Variants in RAB10 observed in about 807,000 individuals in gnomAD.
RAB10 encodes the protein ras-related protein Rab-10.
Under a neutral mutation model 25.7 loss-of-function variants are expected in RAB10, and 5 were observed. The observed-to-expected ratio is 0.19, with a 90% CI of 0.10 to 0.41. RAB10 has a LOEUF of 0.41. Ranked by LOEUF, RAB10 falls within the 10% of genes least tolerant of loss-of-function variation. The pLI, the probability that RAB10 is intolerant of heterozygous loss-of-function variation, is 1.00. For missense variants in RAB10, 103 were observed against 245.8 expected (o/e 0.42, Z 3.89); for synonymous variants, 89 against 86.4 (o/e 1.03, Z -0.16).
At chr2:26,082,353 T>C (rs111385912) in intron 1 of RAB10, among the ~76,000 whole-genome samples, 5 of 152,102 alleles carry the variant, frequency 3.3e-5, no homozygotes, top group African/African-American at 1.2e-4. Flanking sequence ...CGACCAAATC[T>C]TAAAGTTGGA....
At chr2:26,080,170 TATTGA>T (rs1280388488) in intron 1 of RAB10, among the ~76,000 whole-genome samples, 1 of 152,206 alleles carries the variant, frequency 6.6e-6, no homozygotes, top group Non-Finnish European at 1.5e-5. Flanking sequence ...ATAATGGTAG[TATTGA>T]ATTAAAACCA....
chr2:26,119,142 C>T (rs998843513), intron 3 of RAB10, among the ~76,000 whole-genome samples: 1 of 152,148 alleles, frequency 6.6e-6, no homozygotes, highest in Middle Eastern at 3.2e-3. Context: ...CACGGTGGCT[C>T]ACACCTGTAA....
intron 1 of RAB10, among the ~76,000 whole-genome samples, chr2:26,047,545 T>A (rs1005081022): frequency 1.7e-4 from 25 of 150,238 alleles, no homozygotes; most frequent in African/African-American, 6.2e-4. Flanking sequence ...GCCTCCTGAG[T>A]AGCTGGGATT....
At chr2:26,085,661 A>T (rs572063818) in intron 1 of RAB10, among the ~76,000 whole-genome samples, 2 of 152,192 alleles carry the variant, frequency 1.3e-5, no homozygotes, top group Admixed American at 6.5e-5. Flanking sequence ...AATGGAAGAA[A>T]ACATTTGCAA....
Position 26,090,921 on chromosome 2 carries a change from G to A in RAB10, c.128-7741G>A, listed in dbSNP as rs533462805. On this transcript the variant is annotated intron_variant, in intron 1 of 5. Transcript: ENST00000264710. ...CGCATTCAAGCTTGGGCAAAAGAGC[G>A]AGACCCTGTCTCCCCCCCCAAAAAA... Among the ~76,000 whole-genome samples the A allele has an allele frequency of 3.7e-5, 5 of 134,010 alleles. No individual in the cohort carries two copies. The South Asian group carries it at 1.0e-3, about 28-fold the overall frequency. The allele number at this position is 134,010 out of a possible 152,430, so 87.9% of individuals were successfully genotyped here. A position where few individuals can be genotyped will look rare whatever the true frequency, so the allele number is the denominator to read the frequency against.
chr2:26,034,799 C>G (rs2149259022), intron 1 of RAB10, 64 bp downstream of exon 1: 2 of 1,585,922 alleles, frequency 1.3e-6, no homozygotes, highest in Non-Finnish European at 1.7e-6. Context: ...TTACTCCAGA[C>G]ATCTTGCTTC....
intron 1 of RAB10, among the ~76,000 whole-genome samples, chr2:26,061,007 T>TA (rs1666381949): frequency 6.7e-6 from 1 of 149,702 alleles, no homozygotes; most frequent in South Asian, 2.1e-4. Context: ...TTTCTTTATA[T>TA]AAAATAACTT....
At chr2:26,118,686 A>G (rs898338804) in intron 3 of RAB10, among the ~76,000 whole-genome samples, 3 of 152,230 alleles carry the variant, frequency 2.0e-5, no homozygotes, top group Admixed American at 6.5e-5. Context: ...TGGTTATCAC[A>G]GCTTGGGTAC....
chr2:26,033,499 A>C (rs1471062580), upstream of RAB10, among the ~76,000 whole-genome samples: 1 of 152,212 alleles, frequency 6.6e-6, no homozygotes, highest in Non-Finnish European at 1.5e-5. Flanking sequence ...TGGAGCGCTC[A>C]TGTTTCCCCG....
chr2:26,053,127 G>A (rs567215917), intron 1 of RAB10, among the ~76,000 whole-genome samples: 2 of 152,272 alleles, frequency 1.3e-5, no homozygotes, highest in South Asian at 4.1e-4. Flanking sequence ...CTCAACTGGA[G>A]GTTGAGGTAA....
At chr2:26,059,955 ATTGTCATAACTAGG>A (rs1478697773) in intron 1 of RAB10, among the ~76,000 whole-genome samples, 1 of 152,160 alleles carries the variant, frequency 6.6e-6, no homozygotes, top group Non-Finnish European at 1.5e-5. Context: ...ATATTAAAAG[ATTGTCATAACTAGG>A]TTGGGATTGC....
intron 1 of RAB10, among the ~76,000 whole-genome samples, chr2:26,074,035 CTT>C (rs1452488085): frequency 1.3e-5 from 2 of 152,102 alleles, no homozygotes; most frequent in Non-Finnish European, 2.9e-5. Context: ...GGAATTTGGA[CTT>C]TGTCTAGTAG....
rs1373762592 is a variant in RAB10 at position 26,133,952 on chromosome 2, G to T, written c.520-986G>T. Among the ~76,000 whole-genome samples, 3 of 152,318 alleles carry T rather than the reference G, an allele frequency of 2.0e-5. No homozygotes were observed. The East Asian group carries it at 5.8e-4, about 29-fold the overall frequency. On this transcript the variant is annotated intron_variant, in intron 5 of 5. Transcript: ENST00000264710. ...GCCTCCCAAAGTGCTGGGATTACAG[G>T]CCTCAGCCACGACACCCGGCCCTTC...
chr2:26,050,814 A>C, intron 1 of RAB10, among the ~76,000 whole-genome samples: 1 of 151,424 alleles, frequency 6.6e-6, no homozygotes, highest in Non-Finnish European at 1.5e-5. Context: ...TTTTCTATAC[A>C]TGGGTCTCAT....
At chr2:26,074,094 C>G (rs1666684038) in intron 1 of RAB10, among the ~76,000 whole-genome samples, 1 of 152,070 alleles carries the variant, frequency 6.6e-6, no homozygotes. Flanking sequence ...ATATTAAGAT[C>G]AGAATGATGA....
At chr2:26,033,424 A>G (rs1020658302), upstream of RAB10, among the ~76,000 whole-genome samples, 10 of 152,344 alleles carry the variant, frequency 6.6e-5, no homozygotes, top group South Asian at 4.1e-4. Context: ...GGATTACCTC[A>G]TCCCAACCCG....
intron 3 of RAB10, among the ~76,000 whole-genome samples, chr2:26,115,765 T>A (rs1210558080): frequency 2.0e-5 from 3 of 152,160 alleles, no homozygotes; most frequent in Admixed American, 6.5e-5. Context: ...GTTATTTTTT[T>A]AAAAACTGAA....
At chr2:26,077,638 G>A (rs983474728) in intron 1 of RAB10, among the ~76,000 whole-genome samples, 56 of 152,062 alleles carry the variant, frequency 3.7e-4, no homozygotes, top group Admixed American at 2.9e-3. Flanking sequence ...TTTTAATGCC[G>A]TATAATGTGC....
chr2:26,042,199 T>C (rs1025577464), intron 1 of RAB10, among the ~76,000 whole-genome samples: 1 of 152,212 alleles, frequency 6.6e-6, no homozygotes, highest in African/African-American at 2.4e-5. Context: ...TCACTGGGAA[T>C]TGGAGTCTCT....
Sources: gnomAD v4.1 joint callset for allele counts (sites outside exome capture counted in the v4.1 genomes callset) on GRCh38, gnomAD v4.1.1 for gene constraint, MANE v1.5 for transcripts, NCBI Gene and HGNC (gene_info 2026-07-23, HGNC 2026-07-21) for gene names.